The following AFG1L variants were observed in gnomAD, a reference collection of about 807,000 sequenced individuals.
The protein encoded by AFG1L is AFG1-like ATPase.
AFG1L carries 53 observed loss-of-function variants against 62.2 expected under a neutral mutation model. The ratio of observed to expected loss-of-function variants is 0.85; its 90% CI spans 0.68 to 1.07. The LOEUF is 1.07. AFG1L is among the 50% of genes least tolerant of loss of function. AFG1L has a pLI of 0.00. For missense variants in AFG1L, 555 were observed against 590.5 expected (o/e 0.94, Z 0.62); for synonymous variants, 228 against 210.3 (o/e 1.08, Z -0.73).
At chr6:108,326,145 C>A (rs1226675476) in intron 2 of AFG1L, among the ~76,000 whole-genome samples, 2 of 152,176 alleles carry the variant, frequency 1.3e-5, no homozygotes, top group Non-Finnish European at 2.9e-5. Flanking sequence ...TCATAGCTCA[C>A]TAGTAGCCTT....
intron 10 of AFG1L, 72 bp from the exon 11 acceptor site, chr6:108,510,140 T>C (rs983024079): frequency 2.5e-6 from 3 of 1,190,680 alleles, no homozygotes; most frequent in Non-Finnish European, 3.5e-6. Flanking sequence ...GAGGTGTTTT[T>C]ACACTAAACC....
intron 10 of AFG1L, among the ~76,000 whole-genome samples, chr6:108,490,481 C>A (rs529494734): frequency 1.6e-4 from 24 of 152,110 alleles, no homozygotes; most frequent in Non-Finnish European, 2.1e-4. Context: ...TTATTAATTA[C>A]CTAATCTTAC....
intron 3 of AFG1L, among the ~76,000 whole-genome samples, chr6:108,354,968 A>C (rs943385915): frequency 3.3e-5 from 5 of 152,164 alleles, no homozygotes; most frequent in Non-Finnish European, 7.4e-5. Flanking sequence ...AGTAGGCTTT[A>C]TTTTGAGAGA....
chr6:108,442,256 T>G (rs1771586749), intron 7 of AFG1L, among the ~76,000 whole-genome samples: 4 of 152,130 alleles, frequency 2.6e-5, no homozygotes, highest in Non-Finnish European at 4.4e-5. Context: ...GAAAGTATTT[T>G]TTCACATTTA....
chr6:108,451,131 C>G (rs1213794837), intron 8 of AFG1L, among the ~76,000 whole-genome samples: 1 of 152,078 alleles, frequency 6.6e-6, no homozygotes. Context: ...TGCCAGAAAA[C>G]AAACAAGCAA....
intron 6 of AFG1L, among the ~76,000 whole-genome samples, chr6:108,392,960 AC>A (rs1290546261): frequency 6.6e-6 from 1 of 152,122 alleles, no homozygotes; most frequent in Non-Finnish European, 1.5e-5. Context: ...TTATTTAGGT[AC>A]TTGTAATTAC....
intron 8 of AFG1L, among the ~76,000 whole-genome samples, chr6:108,451,235 G>A (rs1020827344): frequency 6.6e-6 from 1 of 152,116 alleles, no homozygotes; most frequent in African/African-American, 2.4e-5. Context: ...TCCCACATAC[G>A]ATCTTTAATG....
At chr6:108,495,330 G>T (rs184680371) in intron 10 of AFG1L, among the ~76,000 whole-genome samples, 13 of 152,318 alleles carry the variant, frequency 8.5e-5, no homozygotes, top group African/African-American at 3.1e-4. Flanking sequence ...TTATAAGGAG[G>T]AGTCTATACA....
chr6:108,456,715 G>A (rs1381275249), intron 8 of AFG1L, among the ~76,000 whole-genome samples: 1 of 151,956 alleles, frequency 6.6e-6, no homozygotes, highest in Non-Finnish European at 1.5e-5. Flanking sequence ...CATATAAATG[G>A]AATCACATAA....
chr6:108,428,657 G>T (rs1296580450), intron 7 of AFG1L, among the ~76,000 whole-genome samples: 2 of 152,140 alleles, frequency 1.3e-5, no homozygotes, highest in Non-Finnish European at 2.9e-5. Flanking sequence ...CTGGGGTAAG[G>T]TGGTACCTCA....
intron 10 of AFG1L, among the ~76,000 whole-genome samples, chr6:108,504,660 G>C (rs1774330409): frequency 6.6e-6 from 1 of 152,206 alleles, no homozygotes; most frequent in African/African-American, 2.4e-5. Flanking sequence ...GCTTGATGCA[G>C]AGTTGCCACA....
chr6:108,518,259 T>C (rs1304417510), intron 11 of AFG1L, among the ~76,000 whole-genome samples: 1 of 152,092 alleles, frequency 6.6e-6, no homozygotes. Context: ...AACCCAAATG[T>C]CCAACAATGA....
At position 108,500,173 on chromosome 6, in the gene AFG1L, T is replaced by TGTGTGC. The variant is rs1554204028; in HGVS notation, c.1063-10034_1063-10033insCGTGTG. Among the ~76,000 whole-genome samples, 560 of 119,644 alleles carry TGTGTGC rather than the reference T, an allele frequency of 4.7e-3. 3 individuals are homozygous for TGTGTGC. The highest frequency in any genetic ancestry group is 0.015 in the African/African-American group (537 of 36,266). 78.5% of individuals were successfully genotyped at this position (119,644 alleles called of 152,430 possible). On this transcript the variant is annotated intron_variant, in intron 10 of 12. Coordinates refer to ENST00000368977, the MANE Select transcript of AFG1L (RefSeq NM_145315.5). ...TGTGTAGTATTCCATGGTGCGTGCG[T>TGTGTGC]GTGTGTGTGTGTGTGTGTGTGTGTG...
chr6:108,489,529 A>T (rs1773694510), intron 10 of AFG1L, among the ~76,000 whole-genome samples: 1 of 152,210 alleles, frequency 6.6e-6, no homozygotes, highest in Admixed American at 6.5e-5. Context: ...GTCCCAAGTT[A>T]CCATGCCCCT....
intron 6 of AFG1L, among the ~76,000 whole-genome samples, chr6:108,398,346 T>C (rs1211024947): frequency 6.6e-6 from 1 of 152,248 alleles, no homozygotes; most frequent in Non-Finnish European, 1.5e-5. Flanking sequence ...TTATATATTC[T>C]GGTTATTAAT....
intron 6 of AFG1L, among the ~76,000 whole-genome samples, chr6:108,381,242 G>A (rs981218851): frequency 9.2e-5 from 14 of 152,018 alleles, no homozygotes; most frequent in East Asian, 1.9e-4. Context: ...GAGAGAGTTC[G>A]TATTTAATTT....
At chr6:108,440,719 CTGAGGCAGGGAGAAT>C (rs892651029) in intron 7 of AFG1L, among the ~76,000 whole-genome samples, 81 of 151,514 alleles carry the variant, frequency 5.3e-4, no homozygotes, top group African/African-American at 1.8e-3. Flanking sequence ...ACTTGGGAGG[CTGAGGCAGGGAGAAT>C]TGCTTGAACG....
chr6:108,467,342 G>A (rs1772716022), intron 8 of AFG1L, among the ~76,000 whole-genome samples: 1 of 150,852 alleles, frequency 6.6e-6, no homozygotes, highest in Non-Finnish European at 1.5e-5. Context: ...CCTGCTTTCC[G>A]GGTTCAAATG....
At chr6:108,483,351 T>C (rs986958381) in intron 10 of AFG1L, among the ~76,000 whole-genome samples, 60 of 152,222 alleles carry the variant, frequency 3.9e-4, no homozygotes, top group African/African-American at 1.4e-3. Flanking sequence ...CAGTAAACAC[T>C]GGGAGAAATA....
Sources: allele counts gnomAD v4.1 joint callset (sites outside exome capture counted in the v4.1 genomes callset), GRCh38; gene constraint gnomAD v4.1.1; transcripts MANE v1.5; gene names NCBI Gene and HGNC (gene_info 2026-07-23, HGNC 2026-07-21).